The following CFAP47 variants were observed in gnomAD, a reference collection of about 807,000 sequenced individuals.
The protein encoded by CFAP47 is cilia and flagella associated protein 47, also known as cilia- and flagella-associated protein 47.
Under a neutral mutation model 148.1 loss-of-function variants are expected in CFAP47, and 29 were observed. The observed-to-expected ratio is 0.20, with a 90% CI of 0.15 to 0.27. CFAP47 has a LOEUF of 0.27. CFAP47 is among the 10% of genes least tolerant of loss of function. The pLI is 1.00. For missense variants in CFAP47, 1,872 were observed against 1,697.5 expected (o/e 1.10, Z -1.81); for synonymous variants, 664 against 577.3 (o/e 1.15, Z -2.15).
chrX:36,006,175 T>G (rs1010065531), intron 21 of CFAP47, among the ~76,000 whole-genome samples: 17 of 110,862 alleles, frequency 1.5e-4, no homozygotes, highest in African/African-American at 5.6e-4. Context: ...ATTTAGACAA[T>G]AGTTCACCAA....
chrX:36,370,534 G>A (rs6629079), intron 62 of CFAP47, among the ~76,000 whole-genome samples: 10,351 of 109,481 alleles, frequency 0.095, 388 homozygotes, highest in East Asian at 0.23. Flanking sequence ...TCTTCGCATG[G>A]GTTTATTTTC....
At chrX:36,084,514 C>T (rs1367555232) in intron 29 of CFAP47, among the ~76,000 whole-genome samples, 1 of 111,462 alleles carries the variant, frequency 9.0e-6, no homozygotes, top group Admixed American at 9.6e-5. Context: ...TCCTATCTAC[C>T]AAAGTGGGTA....
At chrX:35,987,781 A>G (rs1171958933) in intron 15 of CFAP47, among the ~76,000 whole-genome samples, 5 of 111,683 alleles carry the variant, frequency 4.5e-5, no homozygotes, top group Non-Finnish European at 7.5e-5. Context: ...TGCGAATACC[A>G]TGGGGAAAGT....
Position 35,941,330 on chromosome X carries a change from G to C in CFAP47, c.449G>C (p.Gly150Ala), listed in dbSNP as rs750947586. The C allele has an allele frequency of 1.7e-6, 2 of 1,178,871 alleles. No homozygotes were observed. Among genetic ancestry groups the C allele is most frequent in the South Asian group, 3.8e-5 (2 of 52,079 alleles). ...GAAATTGAATCAGTAGTTAATTTTG[G>C]CACACTGGTTGCCAATAGTAAAGTA... ...QLEIESVVNF[G>A]TLVANSKVYS... Residue 150 changes from glycine (G) to alanine (A), a missense_variant, in exon 3 of 64, where the codon GGC (glycine) becomes GCC (alanine). Gly to Ala is a moderately conservative substitution (Grantham distance 60, BLOSUM62 0). Coordinates refer to ENST00000378653, the MANE Select transcript of CFAP47 (RefSeq NM_001304548.2).
intron 39 of CFAP47, among the ~76,000 whole-genome samples, chrX:36,162,341 A>G (rs1939440698): frequency 9.0e-6 from 1 of 111,531 alleles, no homozygotes; most frequent in Admixed American, 9.6e-5. Flanking sequence ...GTGCAAAACC[A>G]ATATTGTGTA....
intron 26 of CFAP47, among the ~76,000 whole-genome samples, chrX:36,052,641 C>A (rs1937525189): frequency 8.9e-6 from 1 of 111,827 alleles, no homozygotes; most frequent in African/African-American, 3.2e-5. Flanking sequence ...AGCTCTTTTC[C>A]TCTATTCAGT....
In CFAP47 at chrX:36,310,891, C is replaced by T. The variant is rs200838040; in HGVS notation, c.8246C>T (p.Thr2749Met). 2.7e-4 allele frequency: 309 copies of T among 1,143,863 alleles called. No homozygotes were observed. In the African/African-American group the frequency reaches 3.7e-3, roughly 14 times the overall value. 94.3% of individuals were successfully genotyped at this position (1,143,863 alleles called of 1,213,427 possible). ...GGACTATTTCCCCAGCCTCTAGACA[C>T]GGAAAGAATAACCACACGCATTGGT... ...GVGLFPQPLD[T>M]ERITTRIGLQ... The change falls in exon 56 of 64, where the codon ACG becomes ATG. Residue 2749 changes from threonine (T) to methionine (M), a missense_variant. Physicochemically the swap from Thr to Met is moderately conservative, Grantham distance 81. Coordinates refer to ENST00000378653, the MANE Select transcript of CFAP47 (RefSeq NM_001304548.2).
chrX:36,117,931 T>A (rs971789818), intron 33 of CFAP47, among the ~76,000 whole-genome samples: 10 of 111,951 alleles, frequency 8.9e-5, no homozygotes, highest in Non-Finnish European at 1.1e-4. Context: ...CGAAAAGAGA[T>A]TGGTCCAAGT....
At chrX:35,939,853 C>T (rs1935976815) in intron 2 of CFAP47, among the ~76,000 whole-genome samples, 1 of 98,767 alleles carries the variant, frequency 1.0e-5, no homozygotes, top group African/African-American at 3.7e-5. Context: ...AGTTCTAGAT[C>T]CCTGAGGAAT....
chrX:35,956,106 C>T lies in CFAP47; in HGVS notation c.1320C>T (p.Cys440=), dbSNP rs758542190. The part of the protein sequence containing the change: ...SEIQCIIKNQ[C]ELLPVTYHFK... ...TTCAGTGCATCATAAAAAATCAATG[C>T]GAATTACTTCCTGTGACGTACCACT... Residue 440 remains cysteine, a synonymous_variant, in exon 8 of 64, where the codon TGC becomes TGT. Transcript: ENST00000378653. 50 of 1,209,032 alleles carry T rather than the reference C, an allele frequency of 4.1e-5. No individual in the cohort carries two copies. Among genetic ancestry groups the T allele is most frequent in the Non-Finnish European group, 5.1e-5 (46 of 894,730 alleles).
intron 2 of CFAP47, among the ~76,000 whole-genome samples, chrX:35,932,489 C>T (rs1935845919): frequency 9.1e-6 from 1 of 109,476 alleles, no homozygotes; most frequent in East Asian, 2.9e-4. Context: ...TGGGCTCAAG[C>T]AATCCTCCCA....
At chrX:36,142,796 C>G (rs1939165468) in intron 35 of CFAP47, among the ~76,000 whole-genome samples, 1 of 110,806 alleles carries the variant, frequency 9.0e-6, no homozygotes, top group Non-Finnish European at 1.9e-5. Context: ...CTTACTAAAA[C>G]ATGGTTCAAA....
intron 49 of CFAP47, among the ~76,000 whole-genome samples, chrX:36,270,533 G>T (rs1940946320): frequency 1.0e-5 from 1 of 98,738 alleles, no homozygotes; most frequent in African/African-American, 4.0e-5. Context: ...GTTGAATTTT[G>T]AGAGTTTTAA....
chrX:36,079,077 T>G (rs747068952), intron 29 of CFAP47, among the ~76,000 whole-genome samples: 27 of 111,957 alleles, frequency 2.4e-4, no homozygotes, highest in African/African-American at 8.4e-4. Context: ...CCTTTGTGGG[T>G]AACCCGACCT....
At chrX:35,941,077 C>A (rs73466993) in intron 2 of CFAP47, among the ~76,000 whole-genome samples, 2,044 of 111,502 alleles carry the variant, frequency 0.018, 50 homozygotes, top group African/African-American at 0.062. Flanking sequence ...AGTCTCATTT[C>A]TTTGTTAAAA....
At chrX:35,925,876 C>G in intron 1 of CFAP47, 141 bp from the exon 2 acceptor site, 1 of 417,555 alleles carries the variant, frequency 2.4e-6, no homozygotes, top group Non-Finnish European at 4.0e-6. Flanking sequence ...AGGATGGTCT[C>G]GATCTCCTGA....
intron 41 of CFAP47, among the ~76,000 whole-genome samples, chrX:36,189,200 G>T (rs1038794902): frequency 9.0e-6 from 1 of 111,148 alleles, no homozygotes; most frequent in Non-Finnish European, 1.9e-5. Flanking sequence ...TAATAATAAT[G>T]GTTATCTCTC....
At chrX:36,282,517 G>T (rs6632553) in intron 50 of CFAP47, among the ~76,000 whole-genome samples, 1 of 110,484 alleles carries the variant, frequency 9.1e-6, no homozygotes, top group South Asian at 3.8e-4. Context: ...AGGTATCCCT[G>T]ATTCTTCAGA....
At chrX:35,930,193 AT>A (rs201321114) in intron 2 of CFAP47, among the ~76,000 whole-genome samples, 1,538 of 110,635 alleles carry the variant, frequency 0.014, 29 homozygotes, top group African/African-American at 0.048. Context: ...ACATGATCAT[AT>A]TTTTTTTCCA....
Sources: allele counts gnomAD v4.1 joint callset (sites outside exome capture counted in the v4.1 genomes callset), GRCh38; gene constraint gnomAD v4.1.1; transcripts MANE v1.5; gene names NCBI Gene and HGNC (gene_info 2026-07-23, HGNC 2026-07-21).